Variants in NR3C1 observed in about 807,000 individuals in gnomAD.
NR3C1 encodes nuclear receptor subfamily 3 group C member 1.
NR3C1 carries 14 observed loss-of-function variants against 74.0 expected under a neutral mutation model. The ratio of observed to expected loss-of-function variants is 0.19; its 90% confidence interval spans 0.12 to 0.30. The LOEUF (loss-of-function observed/expected upper bound fraction) is 0.30, where lower values mean the gene tolerates loss of function less well. Ranked by LOEUF, NR3C1 falls within the 10% of genes least tolerant of loss-of-function variation. NR3C1 has a pLI of 1.00. For missense variants in NR3C1, 695 were observed against 909.8 expected, an observed-to-expected ratio of 0.76 and a Z score of 3.04; for synonymous variants, 308 against 332.5, an observed-to-expected ratio of 0.93 and a Z score of 0.80.
chr5:143,300,778 A>G lies in NR3C1; in HGVS notation c.1469-15T>C, dbSNP rs1348524427. On this transcript the variant is annotated splice_polypyrimidine_tract_variant and intron_variant, in intron 4 of 8. Coordinates refer to ENST00000394464, the MANE Select transcript of NR3C1 (RefSeq NM_000176.3). The surrounding 1 kb of genome is among the most constrained non-coding windows in gnomAD (Gnocchi z 5.2). ...TGTTTTTCGAGCTGTGGGTATTTAA[A>G]CAAATACATAGAAATGAACTGTAAT... 1 of 1,610,750 alleles carries G rather than the reference A, an allele frequency of 6.2e-7. No homozygotes were observed. The highest frequency in any genetic ancestry group is 1.3e-5 in the African/African-American group (1 of 74,788).
intron 2 of NR3C1, among the ~76,000 whole-genome samples, chr5:143,326,716 T>C (rs1412310161): frequency 6.6e-6 from 1 of 152,182 alleles, no homozygotes; most frequent in Non-Finnish European, 1.5e-5. Context: ...TGGGCATACA[T>C]GATGACATGA....
chr5:143,313,943 C>A, intron 3 of NR3C1, 59 bp downstream of exon 3: 1 of 1,578,724 alleles, frequency 6.3e-7, no homozygotes, highest in South Asian at 1.1e-5. Flanking sequence ...ATTTCAAAAT[C>A]CACCCTGAGA....
Position 143,306,874 on chromosome 5 carries a change from A to AT in NR3C1, c.1468+3222dup, listed in dbSNP as rs70991802. Among the ~76,000 whole-genome samples the AT allele has an allele frequency of 6.8e-4, 56 of 82,898 alleles. 3 individuals carry two copies. The highest frequency in any genetic ancestry group is 2.7e-3 in the African/African-American group (53 of 19,648). 54.4% of individuals were successfully genotyped at this position (82,898 alleles called of 152,430 possible). A position where few individuals can be genotyped will look rare whatever the true frequency, so the allele number is the denominator to read the frequency against. ...ACTGCAGCCTAAATTGTATGCTTAA[A>AT]TTTTTTTTTTTTTTTTTTTTTTTTT... On this transcript the variant is annotated intron_variant, in intron 4 of 8. Transcript: ENST00000394464.
At chr5:143,302,477 C>T (rs1416751435) in intron 4 of NR3C1, among the ~76,000 whole-genome samples, 1 of 151,846 alleles carries the variant, frequency 6.6e-6, no homozygotes, top group Non-Finnish European at 1.5e-5. Flanking sequence ...ACACATGTGC[C>T]AAATCAATAC....
At chr5:143,421,611 T>C (rs985486250) in intron 1 of NR3C1, among the ~76,000 whole-genome samples, 2 of 151,944 alleles carry the variant, frequency 1.3e-5, no homozygotes, top group Non-Finnish European at 2.9e-5. Flanking sequence ...ACTTGAGGTC[T>C]GGAATTGAAG....
chr5:143,316,131 C>G (rs1345177784), intron 2 of NR3C1, among the ~76,000 whole-genome samples: 1 of 152,190 alleles, frequency 6.6e-6, no homozygotes, highest in African/African-American at 2.4e-5. Flanking sequence ...GCACAGGCCA[C>G]CCCTGATTAA....
chr5:143,414,722 C>A (rs71590943), intron 1 of NR3C1, among the ~76,000 whole-genome samples: 3 of 151,900 alleles, frequency 2.0e-5, no homozygotes, highest in Non-Finnish European at 4.4e-5. Context: ...AGTTCAAGTT[C>A]TTTCTGGAAT....
At chr5:143,314,403 T>A (rs1012821393) in intron 2 of NR3C1, among the ~76,000 whole-genome samples, 1 of 151,852 alleles carries the variant, frequency 6.6e-6, no homozygotes, top group African/African-American at 2.4e-5. Flanking sequence ...ATGGTGTGGT[T>A]CTGGTTCACT....
Position 143,280,395 on chromosome 5 carries a change from T to C in NR3C1, c.*1494A>G, listed in dbSNP as rs1451325414. On this transcript the variant is annotated 3_prime_UTR_variant, in exon 9 of 9. Coordinates refer to ENST00000394464, the MANE Select transcript of NR3C1 (RefSeq NM_000176.3). ...TATATTAGAAGTTCCATATTTTTAA[T>C]ATTAGATTTTCAGTTTTCTATTACA... 18 of 152,636 alleles carry C rather than the reference T, an allele frequency of 1.2e-4. No homozygotes were observed. Among genetic ancestry groups the C allele is most frequent in the Admixed American group, 1.2e-3 (18 of 15,278 alleles). 9.5% of individuals were successfully genotyped at this position (152,636 alleles called of 1,614,324 possible). A position where few individuals can be genotyped will look rare whatever the true frequency, so the allele number is the denominator to read the frequency against.
chr5:143,386,872 T>C lies in NR3C1; in HGVS notation c.1184+12784A>G, dbSNP rs546909709. Among the ~76,000 whole-genome samples the C allele has an allele frequency of 4.6e-5, 7 of 152,174 alleles. No homozygotes were observed. In the East Asian group the frequency reaches 1.3e-3, roughly 29 times the overall value. Reference sequence around the variant, plus strand: ...CAAATCCTCCAAAGGTTATGGAGAGTTCATGTGGCTACCCACCATCTATCA... The same window carrying C: ...CAAATCCTCCAAAGGTTATGGAGAGCTCATGTGGCTACCCACCATCTATCA... On this transcript the variant is annotated intron_variant, in intron 2 of 8. Transcript: ENST00000394464.
intron 7 of NR3C1, chr5:143,293,955 T>G: frequency 1.0e-6 from 1 of 985,100 alleles, no homozygotes; most frequent in Non-Finnish European, 1.2e-6. Flanking sequence ...GATCAGAATT[T>G]TATGTAACTG....
chr5:143,298,596 G>A, intron 6 of NR3C1, 72 bp downstream of exon 6: 2 of 1,487,136 alleles, frequency 1.3e-6, no homozygotes, highest in Admixed American at 1.7e-5. Flanking sequence ...CACAATAGCA[G>A]TCAATCAGGA....
chr5:143,337,002 T>C (rs1161682880), intron 2 of NR3C1, among the ~76,000 whole-genome samples: 2 of 151,348 alleles, frequency 1.3e-5, no homozygotes, highest in African/African-American at 2.4e-5. Flanking sequence ...TACATATACA[T>C]ATATATATAT....
intron 1 of NR3C1, among the ~76,000 whole-genome samples, chr5:143,414,345 C>T (rs1441421194): frequency 9.8e-5 from 15 of 152,314 alleles, no homozygotes; most frequent in Non-Finnish European, 2.2e-4. Context: ...TCTGTCTTGA[C>T]AAGCTGAATG....
intron 1 of NR3C1, among the ~76,000 whole-genome samples, chr5:143,415,797 A>T (rs185517913): frequency 6.6e-6 from 1 of 152,224 alleles, no homozygotes; most frequent in East Asian, 1.9e-4. Flanking sequence ...GATTTGCAAC[A>T]ATTATCAAGC....
At chr5:143,395,878 C>G (rs1413174554) in intron 2 of NR3C1, among the ~76,000 whole-genome samples, 2 of 151,836 alleles carry the variant, frequency 1.3e-5, no homozygotes, top group Non-Finnish European at 3.0e-5. Context: ...CTTTCCTTCA[C>G]TAAATCTCAA....
chr5:143,349,543 T>C (rs1344843531), intron 2 of NR3C1, among the ~76,000 whole-genome samples: 1 of 152,186 alleles, frequency 6.6e-6, no homozygotes, highest in Non-Finnish European at 1.5e-5. Context: ...CCTTGGGTTT[T>C]TGCTTCAGTT....
chr5:143,369,403 T>C (rs1185647719), intron 2 of NR3C1, among the ~76,000 whole-genome samples: 1 of 152,198 alleles, frequency 6.6e-6, no homozygotes, highest in Non-Finnish European at 1.5e-5. Context: ...TGAATGTTCT[T>C]AACAGCATTA....
chr5:143,410,463 A>G (rs779415666), intron 1 of NR3C1, among the ~76,000 whole-genome samples: 6 of 151,560 alleles, frequency 4.0e-5, no homozygotes, highest in Admixed American at 2.6e-4. Context: ...GTCACCATTG[A>G]AAAAAAAATT....
Sources: gnomAD v4.1 joint callset for allele counts (sites outside exome capture counted in the v4.1 genomes callset) on GRCh38, gnomAD v4.1.1 for gene constraint, Gnocchi (gnomAD v3.1) non-coding constraint, MANE v1.5 for transcripts, NCBI Gene and HGNC (gene_info 2026-07-23, HGNC 2026-07-21) for gene names.